RSF1: variants seen among roughly 807,000 people sequenced by gnomAD.
RSF1 encodes remodeling and spacing factor 1.
RSF1 carries 13 observed loss-of-function variants against 145.2 expected under a neutral mutation model. The ratio of observed to expected loss-of-function variants is 0.09; its 90% CI spans 0.06 to 0.14. RSF1 has a LOEUF of 0.14. RSF1 is among the 10% of genes least tolerant of loss of function. RSF1 has a pLI of 1.00. For missense variants in RSF1, 1,517 were observed against 1,718.2 expected (o/e 0.88, Z 2.07); for synonymous variants, 577 against 592.6 (o/e 0.97, Z 0.38).
rs919046673 is a variant in RSF1 at position 77,820,419 on chromosome 11, G to A, written c.187+109C>T. 87 of 1,192,678 alleles carry A rather than the reference G, an allele frequency of 7.3e-5. No homozygotes were observed. In the Admixed American group the frequency reaches 2.1e-3, roughly 28 times the overall value. The allele number at this position is 1,192,678 out of a possible 1,614,324, so 73.9% of individuals were successfully genotyped here. Reference sequence around the variant, plus strand: ...CGGCGGAGTTGCGTCCCAGGGGGAAGACAGAGCCGCGGAGGCCCGAGCCGC... The same window carrying A: ...CGGCGGAGTTGCGTCCCAGGGGGAAAACAGAGCCGCGGAGGCCCGAGCCGC... On this transcript the variant is annotated intron_variant, in intron 1 of 15. Transcript: ENST00000308488.
intron 7 of RSF1, among the ~76,000 whole-genome samples, chr11:77,698,121 C>T (rs1040514987): frequency 1.3e-5 from 2 of 152,194 alleles, no homozygotes; most frequent in Non-Finnish European, 2.9e-5. Flanking sequence ...GCTGGAACTA[C>T]TGGCATGTGG....
chr11:77,804,266 T>A (rs1186697071), intron 1 of RSF1, among the ~76,000 whole-genome samples: 1 of 152,164 alleles, frequency 6.6e-6, no homozygotes, highest in Non-Finnish European at 1.5e-5. Flanking sequence ...AAGCCATAAC[T>A]GTAAATAAAG....
the RSF1 span, among the ~76,000 whole-genome samples, chr11:77,835,773 T>C: frequency 6.6e-6 from 1 of 151,546 alleles, no homozygotes; most frequent in Admixed American, 6.6e-5. Flanking sequence ...TACAAAAAAT[T>C]AACCAGGCGT....
the RSF1 span, among the ~76,000 whole-genome samples, chr11:77,854,941 C>T: frequency 6.6e-6 from 1 of 152,230 alleles, no homozygotes; most frequent in Non-Finnish European, 1.5e-5. Context: ...GGCAGAGGCT[C>T]CCAAGCCTCA....
At chr11:77,703,484 A>C (rs1169390723) in intron 5 of RSF1, 2 of 152,226 alleles carry the variant, frequency 1.3e-5, no homozygotes, top group Admixed American at 6.5e-5. Context: ...CTGAGACATA[A>C]ATTTTTTTCC....
intron 15 of RSF1, among the ~76,000 whole-genome samples, chr11:77,670,968 T>G (rs1959507743): frequency 1.3e-5 from 2 of 149,802 alleles, no homozygotes; most frequent in African/African-American, 4.9e-5. Context: ...TTAGCCAGGC[T>G]TGGTGGCACA....
chr11:77,841,015 A>G, the RSF1 span: 1 of 521,598 alleles, frequency 1.9e-6, no homozygotes, highest in African/African-American at 1.9e-5. Context: ...TTTTTTTCTC[A>G]CAGTTCTGGA....
At chr11:77,712,362 G>C (rs1960708339) in intron 5 of RSF1, among the ~76,000 whole-genome samples, 2 of 152,174 alleles carry the variant, frequency 1.3e-5, no homozygotes, top group Admixed American at 1.3e-4. Context: ...CAGCCATGCA[G>C]AACTGTGAGT....
At chr11:77,720,923 T>A (rs1397634159) in intron 5 of RSF1, among the ~76,000 whole-genome samples, 1 of 152,222 alleles carries the variant, frequency 6.6e-6, no homozygotes, top group Admixed American at 6.5e-5. Flanking sequence ...GTCAACTTAA[T>A]TATTTAGTTG....
At chr11:77,866,345 T>A in the RSF1 span, 2 of 152,150 alleles carry the variant, frequency 1.3e-5, no homozygotes, top group Non-Finnish European at 2.9e-5. Context: ...AGGAACAGAA[T>A]CAGACACTCA....
At chr11:77,820,977 G>C, upstream of RSF1, 2 of 536,658 alleles carry the variant, frequency 3.7e-6, no homozygotes, top group South Asian at 2.5e-5. Flanking sequence ...CCTCCCCTTC[G>C]GGCTTGCCAC....
At chr11:77,711,997 A>G (rs1179418423) in intron 5 of RSF1, among the ~76,000 whole-genome samples, 1 of 144,926 alleles carries the variant, frequency 6.9e-6, no homozygotes, top group African/African-American at 2.7e-5. Flanking sequence ...TGTTTTCTCT[A>G]GATTAGATTG....
Position 77,667,439 on chromosome 11 carries a change from C to T in RSF1, c.3804G>A (p.Lys1268=), listed in dbSNP as rs138883375. ...SEDDELAKES[K]RSVRKRGRST... is the part of the protein sequence containing the mutation. ...TTCGGCCCCGCTTTCGAACTGACCG[C>T]TTTGATTCTTTAGCTAGCTCATCAT... Residue 1268 remains lysine, a synonymous_variant, in exon 16 of 16, where the codon AAG becomes AAA. Transcript: ENST00000308488. 1,218 of 1,613,378 alleles carry T rather than the reference C, an allele frequency of 7.5e-4. No homozygotes were observed. The highest frequency in any genetic ancestry group is 1.5e-3 in the Admixed American group (90 of 60,016).
chr11:77,737,286 A>T (rs1961377409), intron 4 of RSF1, among the ~76,000 whole-genome samples: 1 of 152,082 alleles, frequency 6.6e-6, no homozygotes, highest in South Asian at 2.1e-4. Flanking sequence ...TGTCTCTACT[A>T]AAAGTACAAA....
At chr11:77,828,543 C>T in the RSF1 span, among the ~76,000 whole-genome samples, 42 of 151,362 alleles carry the variant, frequency 2.8e-4, no homozygotes, top group East Asian at 7.4e-3. Context: ...GGGTAGTGGG[C>T]GCCTGTAGTC....
At chr11:77,838,661 G>C in the RSF1 span, among the ~76,000 whole-genome samples, 125 of 140,426 alleles carry the variant, frequency 8.9e-4, no homozygotes, top group African/African-American at 3.1e-3. Flanking sequence ...CTTTTGCCCA[G>C]GCCAGACTGC....
Position 77,820,664 on chromosome 11 carries a change from C to G in RSF1, c.51G>C (p.Pro17=). 1.9e-6 allele frequency: 3 copies of G among 1,556,992 alleles called. No homozygotes were observed. The highest frequency in any genetic ancestry group is 2.6e-6 in the Non-Finnish European group (3 of 1,151,800). The change falls in exon 1 of 16, where the codon CCG becomes CCC. Residue 17 remains proline, a synonymous_variant. Transcript: ENST00000308488. Reference sequence around the variant, plus strand: ...CTACGGCGAAGTTGGGGCACGAACCCGGGCAGCCCGGAGGAGCCATCACCG... The same window carrying G: ...CTACGGCGAAGTTGGGGCACGAACCGGGGCAGCCCGGAGGAGCCATCACCG... ...AAAVMAPPGC[P]GSCPNFAVVC...
At chr11:77,867,994 G>A in the RSF1 span, among the ~76,000 whole-genome samples, 4 of 151,354 alleles carry the variant, frequency 2.6e-5, no homozygotes, top group Non-Finnish European at 4.4e-5. Context: ...CACCTCATCT[G>A]TCACTCTACA....
intron 1 of RSF1, among the ~76,000 whole-genome samples, chr11:77,814,970 C>T (rs1948768217): frequency 6.6e-6 from 1 of 152,152 alleles, no homozygotes; most frequent in Non-Finnish European, 1.5e-5. Context: ...AGCTAGCAGG[C>T]ACTGCACTTT....
Sources: gnomAD v4.1 joint callset for allele counts (sites outside exome capture counted in the v4.1 genomes callset) on GRCh38, gnomAD v4.1.1 for gene constraint, MANE v1.5 for transcripts, NCBI Gene and HGNC (gene_info 2026-07-23, HGNC 2026-07-21) for gene names.